WDR83: variants seen among roughly 807,000 people sequenced by gnomAD.
The protein encoded by WDR83 is WD repeat domain 83.
A neutral mutation model predicts 37.7 loss-of-function variants in WDR83; 37 were observed. The ratio of observed to expected loss-of-function variants is 0.98; its 90% CI spans 0.76 to 1.29. WDR83 has a LOEUF of 1.29. WDR83 is among the 50% of genes most tolerant of loss of function. The pLI, the probability that WDR83 is intolerant of heterozygous loss-of-function variation, is 0.00. For synonymous variants in WDR83, 174 were observed against 181.1 expected (o/e 0.96, Z 0.31); for missense variants, 445 against 414.4 (o/e 1.07, Z -0.64).
chr19:12,669,322 C>T (rs2024341231), intron 2 of WDR83: 1 of 1,605,504 alleles, frequency 6.2e-7, no homozygotes, highest in African/African-American at 1.3e-5. Flanking sequence ...ACCCACAACC[C>T]GAACCCGTGC....
chr19:12,670,046 C>T lies in WDR83; in HGVS notation c.173C>T (p.Thr58Met), dbSNP rs1379739644. 20 of 1,613,132 alleles carry T rather than the reference C, an allele frequency of 1.2e-5. No homozygotes were observed. The highest frequency in any genetic ancestry group is 1.4e-5 in the Non-Finnish European group (17 of 1,179,268). ...TLKLWNPLRG[T>M]LLRTYSGHGY... ...AAGCTGTGGAACCCGCTTCGGGGGA[C>T]GCTGCTGCGGACGTACAGCGGCCAC... Residue 58 changes from threonine (T) to methionine (M), a missense_variant, in exon 4 of 11, where the codon ACG becomes ATG. By Grantham distance (81) the Thr-to-Met change is moderately conservative. Transcript: ENST00000418543.
Position 12,672,888 on chromosome 19 carries a change from G to C in WDR83, c.548G>C (p.Gly183Ala). Reference sequence around the variant, plus strand: ...GTGAGACGCTATGACCTAAGGATGGGGCAGCTCTTCTCAGACTACGTGGGC... The same window carrying C: ...GTGAGACGCTATGACCTAAGGATGGCGCAGCTCTTCTCAGACTACGTGGGC... Reference protein sequence around the residue: ...GRVRRYDLRMGQLFSDYVGSP... With the variant: ...GRVRRYDLRMAQLFSDYVGSP... The change falls in exon 8 of 11, where the codon GGG becomes GCG. Residue 183 changes from glycine (G) to alanine (A), a missense_variant. By Grantham distance (60) the Gly-to-Ala change is moderately conservative. Coordinates refer to ENST00000418543, the MANE Select transcript of WDR83 (RefSeq NM_001099737.3). 6.3e-7 allele frequency: 1 copy of C among 1,597,580 alleles called. No homozygotes were observed. The highest frequency in any genetic ancestry group is 8.5e-7 in the Non-Finnish European group (1 of 1,172,052).
intron 7 of WDR83, chr19:12,671,334 A>G (rs990000777): frequency 1.8e-4 from 28 of 153,886 alleles, no homozygotes; most frequent in Non-Finnish European, 3.2e-4. Context: ...TCTCAAAAAA[A>G]AAAAGATAAA....
At chr19:12,674,670 G>A (rs2145330394) in intron 10 of WDR83, among the ~76,000 whole-genome samples, 1 of 152,284 alleles carries the variant, frequency 6.6e-6, no homozygotes, top group African/African-American at 2.4e-5. Context: ...GCTGCCAAAT[G>A]GACAGGATGG....
At chr19:12,673,383 G>C in intron 10 of WDR83, 67 bp downstream of exon 10, 1 of 690,080 alleles carries the variant, frequency 1.4e-6, no homozygotes, top group Admixed American at 2.0e-5. Flanking sequence ...CCTTACCTCA[G>C]TCACTCCAGG....
At chr19:12,669,668 A>C in intron 2 of WDR83, 87 bp from the exon 3 acceptor site, 2 of 1,110,050 alleles carry the variant, frequency 1.8e-6, no homozygotes, top group Non-Finnish European at 2.6e-6. Flanking sequence ...ATGAACCCGG[A>C]AGTGATAAAC....
rs1320144561 is a variant in WDR83, at chr19:12,670,195, T to C, written c.240T>C (p.Ser80=). The part of the protein sequence containing the change: ...VLDAAGSFDN[S]SLCSGGGDKA... Reference sequence around the variant, plus strand: ...TTTACTCCAGCTCCTTTGACAACAGTAGTCTCTGCTCCGGCGGCGGGGACA... The same window carrying C: ...TTTACTCCAGCTCCTTTGACAACAGCAGTCTCTGCTCCGGCGGCGGGGACA... Residue 80 remains serine, a synonymous_variant, in exon 5 of 11, where the codon AGT becomes AGC. Transcript: ENST00000418543. 5 of 1,613,910 alleles carry C rather than the reference T, an allele frequency of 3.1e-6. No individual in the cohort carries two copies. The Admixed American group carries it at 6.7e-5, about 22-fold the overall frequency.
At chr19:12,675,494 A>G in intron 10 of WDR83, 29 bp from the exon 11 acceptor site, 2 of 1,597,470 alleles carry the variant, frequency 1.3e-6, no homozygotes, top group East Asian at 2.2e-5. Context: ...CCAGCCACAG[A>G]TAACCACTCC....
chr19:12,672,141 T>C (rs923763444), intron 7 of WDR83: 1 of 152,420 alleles, frequency 6.6e-6, no homozygotes, highest in Non-Finnish European at 1.5e-5. Flanking sequence ...CACATATAAG[T>C]GGACGCGTTC....
At position 12,670,788 on chromosome 19, in the gene WDR83, G is replaced by A. The variant is rs775821745; in HGVS notation, c.473G>A (p.Ser158Asn). 9.9e-6 allele frequency: 16 copies of A among 1,613,960 alleles called. No individual in the cohort carries two copies. In the East Asian group the frequency reaches 3.6e-4, roughly 36 times the overall value. ...GATGAGGCCAGAGATGGCGTGTCCA[G>A]TGTGAAGGTGTCAGACCACGAGATC... ...TLDEARDGVS[S>N]VKVSDHEILA... is the part of the protein sequence containing the mutation. Residue 158 changes from serine to asparagine, a missense_variant, in exon 7 of 11, where the codon AGT becomes AAT. By Grantham distance (46) the Ser-to-Asn change is conservative. Coordinates refer to ENST00000418543, the MANE Select transcript of WDR83 (RefSeq NM_001099737.3).
rs975960587 is a variant in WDR83 at position 12,670,172 on chromosome 19, T to C, written c.225-8T>C. On this transcript the variant is annotated splice_polypyrimidine_tract_variant and splice_region_variant and intron_variant, in intron 4 of 10. Coordinates refer to ENST00000418543, the MANE Select transcript of WDR83 (RefSeq NM_001099737.3). ...GTCGATGCTGATCCTCCTCCTCCTTTACTCCAGCTCCTTTGACAACAGTAG... is the reference window on the plus strand; with the variant it reads ...GTCGATGCTGATCCTCCTCCTCCTTCACTCCAGCTCCTTTGACAACAGTAG... The C allele has an allele frequency of 1.9e-6, 3 of 1,612,824 alleles. No individual in the cohort carries two copies. Among genetic ancestry groups the C allele is most frequent in the Non-Finnish European group, 8.5e-7 (1 of 1,179,228 alleles).
intron 7 of WDR83, chr19:12,672,425 A>AG (rs1245499653): frequency 9.9e-6 from 2 of 201,312 alleles, no homozygotes; most frequent in Non-Finnish European, 2.1e-5. Flanking sequence ...CCTGACCAAC[A>AG]TGGAGAAACC....
At chr19:12,672,789 C>G (rs2024460022) in intron 7 of WDR83, 58 bp from the exon 8 acceptor site, 2 of 1,529,264 alleles carry the variant, frequency 1.3e-6, no homozygotes, top group South Asian at 1.2e-5. Context: ...AGGCACAGGG[C>G]TGCCTGGAGC....
intron 10 of WDR83, among the ~76,000 whole-genome samples, chr19:12,674,594 G>A (rs2024514858): frequency 6.6e-6 from 1 of 152,246 alleles, no homozygotes; most frequent in South Asian, 2.1e-4. Context: ...GTGGAAAGAG[G>A]AAGCATGGCT....
rs73921596 is a variant in WDR83, at chr19:12,670,544, G to A, written c.331-19G>A. 16,935 of 1,614,112 alleles carry A rather than the reference G, an allele frequency of 0.01. 1,468 individuals are homozygous for A. The African/African-American group carries it at 0.19, about 19-fold the overall frequency. The stretch of plus-strand genomic sequence containing the variant: ...TCCTCCAAAGTCCAGCCTCCTCTGA[G>A]TGGCAATAACTTTCTCAGAAGGTGA... On this transcript the variant is annotated intron_variant, in intron 5 of 10. Coordinates refer to ENST00000418543, the MANE Select transcript of WDR83 (RefSeq NM_001099737.3).
At chr19:12,671,996 G>GA (rs1023009189) in intron 7 of WDR83, among the ~76,000 whole-genome samples, 6 of 152,194 alleles carry the variant, frequency 3.9e-5, no homozygotes, top group African/African-American at 1.4e-4. Flanking sequence ...GCGCCTGGTG[G>GA]AAAAAATATA....
chr19:12,668,612 C>T lies in WDR83; in HGVS notation c.-52C>T, dbSNP rs376487889. On this transcript the variant is annotated 5_prime_UTR_variant, in exon 2 of 11. Transcript: ENST00000418543. ...AGTAGACAGCGACCCAAGCACACCA[C>T]TTCAGCTAGGGAAAGGTAAGTGGGT... 14 of 1,613,904 alleles carry T rather than the reference C, an allele frequency of 8.7e-6. No individual in the cohort carries two copies. Among genetic ancestry groups the T allele is most frequent in the African/African-American group, 2.7e-5 (2 of 74,902 alleles).
At chr19:12,671,716 T>G (rs1011219345) in intron 7 of WDR83, among the ~76,000 whole-genome samples, 3 of 152,248 alleles carry the variant, frequency 2.0e-5, no homozygotes, top group Non-Finnish European at 4.4e-5. Flanking sequence ...TTGTTTTTTT[T>G]GAGACGCAGT....
chr19:12,672,261 T>C (rs2145318540), intron 7 of WDR83: 1 of 160,418 alleles, frequency 6.2e-6, no homozygotes, highest in African/African-American at 2.4e-5. Flanking sequence ...TGCTGGGTAG[T>C]GGGGAAAGTG....
Sources: allele counts gnomAD v4.1 joint callset (sites outside exome capture counted in the v4.1 genomes callset), GRCh38; gene constraint gnomAD v4.1.1; transcripts MANE v1.5; gene names NCBI Gene and HGNC (gene_info 2026-07-23, HGNC 2026-07-21).